The following SEMA3A variants were observed in gnomAD, a reference collection of about 807,000 sequenced individuals.
The protein encoded by SEMA3A is semaphorin 3A.
A neutral mutation model predicts 97.9 loss-of-function variants in SEMA3A; 29 were observed. The ratio of observed to expected loss-of-function variants is 0.30; its 90% CI spans 0.22 to 0.40. The LOEUF (loss-of-function observed/expected upper bound fraction) is 0.40, where lower values mean the gene tolerates loss of function less well. Ranked by LOEUF, SEMA3A falls within the 10% of genes least tolerant of loss-of-function variation. SEMA3A has a pLI of 1.00. For missense variants in SEMA3A, 763 were observed against 951.3 expected, an observed-to-expected ratio of 0.80 and a Z score of 2.60; for synonymous variants, 321 against 323.7, an observed-to-expected ratio of 0.99 and a Z score of 0.09.
rs550761299 is a variant in SEMA3A at position 83,998,463 on chromosome 7, G to C, written c.1452+3492C>G. On this transcript the variant is annotated intron_variant, in intron 12 of 16. Coordinates refer to ENST00000265362, the MANE Select transcript of SEMA3A (RefSeq NM_006080.3). The stretch of plus-strand genomic sequence containing the variant: ...ATCATGAATGGAGCTTGCAGGACTG[G>C]CAGTTGCTTTGGTCAAGTCAGTCAG... Among the ~76,000 whole-genome samples the C allele has an allele frequency of 3.0e-4, 45 of 152,258 alleles. No individual in the cohort carries two copies. The South Asian group carries it at 9.3e-3, about 32-fold the overall frequency.
intron 1 of SEMA3A, among the ~76,000 whole-genome samples, chr7:84,160,666 G>T (rs1056844177): frequency 6.6e-6 from 1 of 151,294 alleles, no homozygotes; most frequent in Non-Finnish European, 1.5e-5. Flanking sequence ...ATCACTTGAG[G>T]TAGGAGTCTG....
At chr7:84,119,123 T>C (rs1041711469) in intron 3 of SEMA3A, among the ~76,000 whole-genome samples, 8 of 152,174 alleles carry the variant, frequency 5.3e-5, no homozygotes, top group Non-Finnish European at 1.0e-4. Context: ...TTAAATTCTA[T>C]AATCAATAAG....
intron 3 of SEMA3A, among the ~76,000 whole-genome samples, chr7:84,115,787 C>A (rs1401195717): frequency 6.6e-6 from 1 of 152,066 alleles, no homozygotes; most frequent in Non-Finnish European, 1.5e-5. Context: ...ATGAAGTACT[C>A]ACAATCCTCA....
chr7:84,414,406 A>C (rs570282804), intron 1 of SEMA3A, among the ~76,000 whole-genome samples: 225 of 152,118 alleles, frequency 1.5e-3, no homozygotes, highest in Non-Finnish European at 2.3e-3. Flanking sequence ...AAAAAAAAAA[A>C]AAAACAGTAT....
At chr7:84,373,337 C>T (rs868136357) in intron 1 of SEMA3A, among the ~76,000 whole-genome samples, 1 of 152,188 alleles carries the variant, frequency 6.6e-6, no homozygotes, top group Non-Finnish European at 1.5e-5. Flanking sequence ...TCATCTACAA[C>T]CTTGCCCAAA....
At chr7:84,001,558 T>G (rs1256300507) in intron 12 of SEMA3A, among the ~76,000 whole-genome samples, 1 of 152,200 alleles carries the variant, frequency 6.6e-6, no homozygotes, top group Non-Finnish European at 1.5e-5. Context: ...GTCTTCAGTA[T>G]TCTGTCATTC....
At chr7:84,262,553 A>T (rs994359060) in intron 3 of SEMA3A, among the ~76,000 whole-genome samples, 16 of 152,150 alleles carry the variant, frequency 1.1e-4, no homozygotes, top group African/African-American at 3.1e-4. Flanking sequence ...ATTCAGTGAA[A>T]CTTATTCAAC....
intron 1 of SEMA3A, among the ~76,000 whole-genome samples, chr7:84,152,619 C>G (rs1796711215): frequency 6.8e-6 from 1 of 146,366 alleles, no homozygotes; most frequent in Non-Finnish European, 1.5e-5. Flanking sequence ...GTGCAGCACA[C>G]CAGCATGGCA....
chr7:84,326,670 A>G lies in SEMA3A; in HGVS notation c.-168-19378T>C, dbSNP rs115040225. 2.3e-3 allele frequency among the ~76,000 whole-genome samples: 348 copies of G among 152,094 alleles called. 3 individuals carry two copies. The highest frequency in any genetic ancestry group is 7.2e-3 in the African/African-American group (297 of 41,530). On this transcript the variant is annotated intron_variant, in intron 2 of 3. Coordinates refer to the SEMA3A transcript ENST00000424555. Reference sequence around the variant, plus strand: ...AGAAGGCTGTTACAGGCACAATATCATAGACCTGTTTTTAAAATGATAGCT... The same window carrying G: ...AGAAGGCTGTTACAGGCACAATATCGTAGACCTGTTTTTAAAATGATAGCT...
chr7:84,479,641 CG>C, intron 1 of SEMA3A, among the ~76,000 whole-genome samples: 1 of 151,834 alleles, frequency 6.6e-6, no homozygotes, highest in South Asian at 2.1e-4. Flanking sequence ...TTCAGAAAAT[CG>C]GGAAGGATAT....
At chr7:84,405,007 T>TA (rs1804033159) in intron 1 of SEMA3A, among the ~76,000 whole-genome samples, 1 of 152,112 alleles carries the variant, frequency 6.6e-6, no homozygotes, top group Non-Finnish European at 1.5e-5. Context: ...AATAACCAGC[T>TA]AAAAACATAA....
At chr7:84,116,093 G>A (rs1795420714) in intron 3 of SEMA3A, among the ~76,000 whole-genome samples, 1 of 152,122 alleles carries the variant, frequency 6.6e-6, no homozygotes, top group Non-Finnish European at 1.5e-5. Flanking sequence ...AGGAATGCTT[G>A]ATTTCATTCA....
At chr7:84,283,946 A>G (rs1325917702) in intron 3 of SEMA3A, among the ~76,000 whole-genome samples, 2 of 152,168 alleles carry the variant, frequency 1.3e-5, no homozygotes, top group Non-Finnish European at 2.9e-5. Context: ...ACAATCAATT[A>G]TTTAAGATTT....
intron 1 of SEMA3A, among the ~76,000 whole-genome samples, chr7:84,183,131 G>C (rs1797779768): frequency 1.3e-5 from 2 of 152,074 alleles, no homozygotes; most frequent in Non-Finnish European, 2.9e-5. Flanking sequence ...CTTTACACCT[G>C]TATTTACATT....
intron 3 of SEMA3A, among the ~76,000 whole-genome samples, chr7:84,251,242 C>A (rs1430202442): frequency 6.6e-6 from 1 of 152,176 alleles, no homozygotes; most frequent in Non-Finnish European, 1.5e-5. Context: ...TTTTCAGAAG[C>A]ATTGGTTAAA....
chr7:84,114,097 G>T (rs1204861266), intron 3 of SEMA3A, among the ~76,000 whole-genome samples: 1 of 152,086 alleles, frequency 6.6e-6, no homozygotes, highest in Non-Finnish European at 1.5e-5. Context: ...TTCCTGGACG[G>T]TTACAAAAAT....
At chr7:84,081,414 A>C (rs768828278) in intron 4 of SEMA3A, among the ~76,000 whole-genome samples, 3 of 152,004 alleles carry the variant, frequency 2.0e-5, no homozygotes, top group Non-Finnish European at 4.4e-5. Context: ...AACACGGTGA[A>C]ACCCCGTCTC....
chr7:84,292,613 G>A (rs1361391752), intron 3 of SEMA3A, among the ~76,000 whole-genome samples: 2 of 151,894 alleles, frequency 1.3e-5, no homozygotes, highest in Admixed American at 6.6e-5. Context: ...AAATCTGTAG[G>A]AGGTAGAAAA....
At chr7:84,286,600 A>T (rs1800595042) in intron 3 of SEMA3A, among the ~76,000 whole-genome samples, 1 of 152,134 alleles carries the variant, frequency 6.6e-6, no homozygotes, top group Non-Finnish European at 1.5e-5. Flanking sequence ...ACTTTATCTG[A>T]TTCATCCTCA....
Sources: allele counts gnomAD v4.1 joint callset (sites outside exome capture counted in the v4.1 genomes callset), GRCh38; gene constraint gnomAD v4.1.1; transcripts MANE v1.5; gene names NCBI Gene and HGNC (gene_info 2026-07-23, HGNC 2026-07-21).